Variants in MMUT observed in about 807,000 individuals in gnomAD.
The protein encoded by MMUT is methylmalonyl-CoA mutase, mitochondrial.
Under a neutral mutation model 79.9 loss-of-function variants are expected in MMUT, and 79 were observed. That is an observed-to-expected ratio of 0.99 (90% CI 0.82 to 1.19). The LOEUF (loss-of-function observed/expected upper bound fraction) is 1.19. Ranked by LOEUF, MMUT falls within the 50% of genes most tolerant of loss-of-function variation. The probability of loss-of-function intolerance (pLI) is 0.00; values close to 1 mark genes in which losing one functional copy is unlikely to be tolerated. For synonymous variants in MMUT, 273 were observed against 295.7 expected, an observed-to-expected ratio of 0.92 and a Z score of 0.79; for missense variants, 860 against 917.2, an observed-to-expected ratio of 0.94 and a Z score of 0.81.
At chr6:49,461,476 A>G (rs1440977307) in intron 1 of MMUT, among the ~76,000 whole-genome samples, 3 of 152,222 alleles carry the variant, frequency 2.0e-5, no homozygotes, top group Non-Finnish European at 4.4e-5. Context: ...AAATGGAAAC[A>G]TAACAAAAAA....
chr6:49,438,623 GGTTA>G (rs1451410451), intron 11 of MMUT, among the ~76,000 whole-genome samples: 9 of 152,022 alleles, frequency 5.9e-5, no homozygotes, highest in African/African-American at 1.9e-4. Flanking sequence ...TATGTGTTAT[GGTTA>G]ATACTCCATG....
At chr6:49,445,928 A>G (rs1459633440) in intron 8 of MMUT, among the ~76,000 whole-genome samples, 2 of 152,064 alleles carry the variant, frequency 1.3e-5, no homozygotes, top group East Asian at 3.9e-4. Flanking sequence ...AGAGAAAAAT[A>G]AAGTAAATCG....
intron 2 of MMUT, 38 bp from the exon 3 acceptor site, chr6:49,458,096 T>C (rs1767741224): frequency 6.3e-7 from 1 of 1,590,022 alleles, no homozygotes. Flanking sequence ...GATTCAAGAG[T>C]CTGGAATCAA....
chr6:49,440,348 T>C lies in MMUT; in HGVS notation c.1814A>G (p.His605Arg), dbSNP rs755256821. The C allele has an allele frequency of 4.3e-6, 7 of 1,613,904 alleles. No individual in the cohort carries two copies. The highest frequency in any genetic ancestry group is 5.9e-6 in the Non-Finnish European group (7 of 1,179,900). Reference sequence around the variant, plus strand: ...GCGACCTTCACGTTCCATGAATTTATGAACCCTGAAAAACATTTAAAAATA... The same window carrying C: ...GCGACCTTCACGTTCCATGAATTTACGAACCCTGAAAAACATTTAAAAATA... ...KEITSAIKRV[H>R]KFMEREGRRP... Residue 605 changes from histidine to arginine, a missense_variant, in exon 11 of 13, where the codon CAT (histidine) becomes CGT (arginine). Physicochemically the swap from His to Arg is conservative, Grantham distance 29. Transcript: ENST00000274813.
intron 12 of MMUT, among the ~76,000 whole-genome samples, chr6:49,434,671 T>C (rs1767077430): frequency 6.6e-6 from 1 of 152,200 alleles, no homozygotes; most frequent in Non-Finnish European, 1.5e-5. Context: ...CTATTTTAAC[T>C]GGCCAGGAAT....
At position 49,457,950 on chromosome 6, in the gene MMUT, T is replaced by C. The variant is rs199668104; in HGVS notation, c.494A>G (p.Asp165Gly). Residue 165 changes from aspartate to glycine, a missense_variant, in exon 3 of 13, where the codon GAC (aspartate) becomes GGC (glycine). Coordinates refer to ENST00000274813, the MANE Select transcript of MMUT (RefSeq NM_000255.4). ...AAGAATTTTGGTATCTTCCACAGTG[T>C]CAATAGCAACTCCAGCCATTCCAAC... ...GDVGMAGVAI[D>G]TVEDTKILFD... The C allele has an allele frequency of 6.2e-7, 1 of 1,611,998 alleles. No homozygotes were observed. The highest frequency in any genetic ancestry group is 2.2e-5 in the East Asian group (1 of 44,864).
Position 49,447,665 on chromosome 6 carries a change from A to C in MMUT, c.1560+5T>G, listed in dbSNP as rs1373558130. 6.6e-7 allele frequency: 1 copy of C among 1,519,582 alleles called. No individual in the cohort carries two copies. The highest frequency in any genetic ancestry group is 9.1e-7 in the Non-Finnish European group (1 of 1,096,292). 94.1% of individuals were successfully genotyped at this position (1,519,582 alleles called of 1,614,324 possible). A position where few individuals can be genotyped will look rare whatever the true frequency, so the allele number is the denominator to read the frequency against. On this transcript the variant is annotated splice_donor_5th_base_variant and intron_variant, in intron 8 of 12. Transcript: ENST00000274813. ...AAAAAAAAAAAAAAAGCAAGCTATT[A>C]ATACCTTCTTAAGTTTTTCAATCTG...
intron 12 of MMUT, among the ~76,000 whole-genome samples, chr6:49,433,116 C>A (rs1315801845): frequency 6.6e-6 from 1 of 152,136 alleles, no homozygotes; most frequent in African/African-American, 2.4e-5. Flanking sequence ...GTACTTGACA[C>A]ATAAAAGTGC....
In MMUT at chr6:49,445,340, G is replaced by C. The variant is rs1268247333; in HGVS notation, c.1561-586C>G. On this transcript the variant is annotated intron_variant, in intron 8 of 12. Coordinates refer to ENST00000274813, the MANE Select transcript of MMUT (RefSeq NM_000255.4). ...CCTAACTCTGCTCTGCCAATAATTT[G>C]TCAAAATAAAGTTGCATAAATCCAT... 2.6e-5 allele frequency among the ~76,000 whole-genome samples: 4 copies of C among 152,156 alleles called. No homozygotes were observed. In the East Asian group the frequency reaches 7.7e-4, roughly 29 times the overall value.
chr6:49,432,452 A>C (rs1767004255), intron 12 of MMUT, among the ~76,000 whole-genome samples: 1 of 151,866 alleles, frequency 6.6e-6, no homozygotes, highest in Non-Finnish European at 1.5e-5. Context: ...CAGTGGCGCT[A>C]TCTCGGCTCA....
At chr6:49,435,662 A>G in intron 11 of MMUT, 39 bp from the exon 12 acceptor site, 1 of 1,589,194 alleles carries the variant, frequency 6.3e-7, no homozygotes, top group Non-Finnish European at 8.6e-7. Context: ...ATTGTTTATT[A>G]CTAGATAATG....
rs927136010 is a variant in MMUT at position 49,430,568 on chromosome 6, T to G, written c.*1160A>C. 6.6e-6 allele frequency: 1 copy of G among 152,132 alleles called. No homozygotes were observed. The highest frequency in any genetic ancestry group is 6.5e-5 in the Admixed American group (1 of 15,280). 9.4% of individuals were successfully genotyped at this position (152,132 alleles called of 1,614,324 possible). On this transcript the variant is annotated 3_prime_UTR_variant, in exon 13 of 13. Coordinates refer to ENST00000274813, the MANE Select transcript of MMUT (RefSeq NM_000255.4). ...GACAATACCATTCAGATAATCATATTCTGAAAATTAAATACATTGTATTAC... is the reference window on the plus strand; with the variant it reads ...GACAATACCATTCAGATAATCATATGCTGAAAATTAAATACATTGTATTAC...
At chr6:49,459,575 G>C (rs1767788437) in intron 1 of MMUT, 70 bp from the exon 2 acceptor site, 1 of 1,207,528 alleles carries the variant, frequency 8.3e-7, no homozygotes. Flanking sequence ...TCATAAGAAA[G>C]GAACAGAAAA....
At position 49,451,715 on chromosome 6, in the gene MMUT, C is replaced by T. The variant is rs879253838; in HGVS notation, c.1084-1G>A. ...TACGGACAATATTATTGTAGGGATC[C>T]TAAAATATTTGATAAAAAACAAAAA... On this transcript the variant is annotated splice_acceptor_variant, in intron 5 of 12. Coordinates refer to ENST00000274813, the MANE Select transcript of MMUT (RefSeq NM_000255.4). LOFTEE classifies it high-confidence loss of function. 1 of 1,613,388 alleles carries T rather than the reference C, an allele frequency of 6.2e-7. No individual in the cohort carries two copies. The highest frequency in any genetic ancestry group is 1.1e-5 in the South Asian group (1 of 91,010).
chr6:49,445,768 T>G (rs1424110453), intron 8 of MMUT, among the ~76,000 whole-genome samples: 1 of 152,040 alleles, frequency 6.6e-6, no homozygotes, highest in Non-Finnish European at 1.5e-5. Flanking sequence ...TTCAATTCAT[T>G]ATTGGTTAAA....
intron 1 of MMUT, among the ~76,000 whole-genome samples, chr6:49,462,798 A>G (rs1168120073): frequency 1.3e-5 from 2 of 152,160 alleles, no homozygotes. Context: ...TGCCAACGGG[A>G]ACAGTTCAGG....
At chr6:49,448,718 A>T (rs968401418) in intron 7 of MMUT, 98 bp downstream of exon 7, 2 of 1,030,086 alleles carry the variant, frequency 1.9e-6, no homozygotes, top group African/African-American at 1.6e-5. Flanking sequence ...TCCATTTTTC[A>T]TTATTTTTGT....
At chr6:49,441,707 A>T in intron 10 of MMUT, 133 bp downstream of exon 10, 1 of 397,954 alleles carries the variant, frequency 2.5e-6, no homozygotes, top group East Asian at 7.1e-5. Flanking sequence ...ATTAATATTT[A>T]ATTTACTATT....
chr6:49,456,300 C>T (rs991755994), intron 3 of MMUT, 63 bp from the exon 4 acceptor site: 5 of 1,128,160 alleles, frequency 4.4e-6, no homozygotes, highest in Non-Finnish European at 4.0e-6. Context: ...CTATTAAATC[C>T]ACTTTCTAAG....
Sources: allele counts gnomAD v4.1 joint callset (sites outside exome capture counted in the v4.1 genomes callset), GRCh38; gene constraint gnomAD v4.1.1; transcripts MANE v1.5; gene names NCBI Gene and HGNC (gene_info 2026-07-23, HGNC 2026-07-21).